The following CRPPA variants were observed in gnomAD, a reference collection of about 807,000 sequenced individuals.
CRPPA encodes the protein D-ribitol-5-phosphate cytidylyltransferase.
Under a neutral mutation model 52.0 loss-of-function variants are expected in CRPPA, and 43 were observed. The ratio of observed to expected loss-of-function variants is 0.83; its 90% confidence interval spans 0.65 to 1.07. The LOEUF (loss-of-function observed/expected upper bound fraction) is 1.07. CRPPA is among the 50% of genes least tolerant of loss of function. CRPPA has a pLI of 0.00. For missense variants in CRPPA, 629 were observed against 551.7 expected (o/e 1.14, Z -1.40); for synonymous variants, 250 against 203.5 (o/e 1.23, Z -1.94).
intron 5 of CRPPA, among the ~76,000 whole-genome samples, chr7:16,300,189 C>G (rs879657217): frequency 6.6e-6 from 1 of 152,084 alleles, no homozygotes; most frequent in Non-Finnish European, 1.5e-5. Flanking sequence ...CCTTGAAGGA[C>G]AAAGAACTTG....
At position 16,091,353 on chromosome 7, in the gene CRPPA, G is replaced by A. The variant is rs1017166225; in HGVS notation, c.*342C>T. 3.7e-5 allele frequency: 7 copies of A among 190,690 alleles called. No individual in the cohort carries two copies. The highest frequency in any genetic ancestry group is 7.4e-5 in the Non-Finnish European group (7 of 94,362). 11.8% of individuals were successfully genotyped at this position (190,690 alleles called of 1,614,324 possible). On this transcript the variant is annotated 3_prime_UTR_variant, in exon 10 of 10. Transcript: ENST00000407010. ...ATTAACAGTTAGGATAATAACTGAAGTTTTCTAAATTCTCATTCCTTGAAA... is the reference window on the plus strand; with the variant it reads ...ATTAACAGTTAGGATAATAACTGAAATTTTCTAAATTCTCATTCCTTGAAA...
intron 3 of CRPPA, among the ~76,000 whole-genome samples, chr7:16,354,795 C>A (rs1448816273): frequency 1.3e-5 from 2 of 152,026 alleles, no homozygotes; most frequent in African/African-American, 4.8e-5. Context: ...ATGCAGCCAT[C>A]AGAAAATAAT....
chr7:16,245,749 AG>A (rs1299192554), intron 8 of CRPPA, among the ~76,000 whole-genome samples: 1 of 152,230 alleles, frequency 6.6e-6, no homozygotes, highest in African/African-American at 2.4e-5. Context: ...CAATGAAATG[AG>A]TCACAAGAAA....
At position 16,258,927 on chromosome 7, in the gene CRPPA, C is replaced by G. The variant is rs1163568050; in HGVS notation, c.1019G>C (p.Cys340Ser). Reference sequence around the variant, plus strand: ...TCATTTGAATTGACTTACATTCACACAAACAAAATTGTAGCATTGATCTAA... The same window carrying G: ...TCATTTGAATTGACTTACATTCACAGAAACAAAATTGTAGCATTGATCTAA... The part of the protein sequence containing the change: ...IILDQCYNFV[C>S]VNVTTSDFQE... Residue 340 changes from cysteine to serine, a missense_variant, in exon 7 of 10, where the codon TGT becomes TCT. Transcript: ENST00000407010. The G allele has an allele frequency of 1.2e-6, 2 of 1,606,724 alleles. No individual in the cohort carries two copies.
intron 2 of CRPPA, among the ~76,000 whole-genome samples, chr7:16,399,382 G>T (rs538462904): frequency 2.0e-5 from 3 of 150,628 alleles, no homozygotes; most frequent in Non-Finnish European, 4.4e-5. Context: ...TTTGTGACAC[G>T]ATTGAAGTGA....
chr7:16,345,817 T>C (rs1380828929), intron 3 of CRPPA, among the ~76,000 whole-genome samples: 1 of 152,164 alleles, frequency 6.6e-6, no homozygotes. Flanking sequence ...TCTATAAAAG[T>C]ATAGAAATCT....
At chr7:16,177,227 C>T (rs1781321016) in intron 9 of CRPPA, among the ~76,000 whole-genome samples, 1 of 151,906 alleles carries the variant, frequency 6.6e-6, no homozygotes. Context: ...CCTAGTTGTG[C>T]TGGTGGTTGC....
At chr7:16,342,758 C>A (rs1785884522) in intron 3 of CRPPA, among the ~76,000 whole-genome samples, 1 of 15,420 alleles carries the variant, frequency 6.5e-5, no homozygotes, top group African/African-American at 3.0e-4. Context: ...TGAACCCTGT[C>A]TCCACAAAAA....
intron 3 of CRPPA, among the ~76,000 whole-genome samples, chr7:16,374,430 A>G (rs757293648): frequency 1.4e-4 from 21 of 152,078 alleles, no homozygotes; most frequent in Non-Finnish European, 2.2e-4. Context: ...CAGACGGCCT[A>G]TTGTGGGACT....
At chr7:16,202,274 CAT>C (rs1781877762) in intron 9 of CRPPA, among the ~76,000 whole-genome samples, 1 of 152,150 alleles carries the variant, frequency 6.6e-6, no homozygotes, top group Admixed American at 6.6e-5. Context: ...CCTATAAAAA[CAT>C]AAATAATTTA....
At chr7:16,387,066 T>TATATATATATATATATATATACACAC (rs1234737407) in intron 2 of CRPPA, among the ~76,000 whole-genome samples, 1 of 109,070 alleles carries the variant, frequency 9.2e-6, no homozygotes. Flanking sequence ...TATATATATA[T>TATATATATATATATATATATACACAC]ATATATATAT....
At chr7:16,119,500 T>C (rs957640556) in intron 9 of CRPPA, among the ~76,000 whole-genome samples, 11 of 152,218 alleles carry the variant, frequency 7.2e-5, no homozygotes, top group Non-Finnish European at 7.4e-5. Context: ...TTTTCCAATT[T>C]CAATAAATGT....
intron 8 of CRPPA, among the ~76,000 whole-genome samples, chr7:16,218,370 G>T (rs992485823): frequency 1.6e-5 from 2 of 126,946 alleles, no homozygotes; most frequent in Non-Finnish European, 3.3e-5. Context: ...AGACTAGGAA[G>T]AAACTGCATC....
At chr7:16,400,869 G>T (rs577020422) in intron 2 of CRPPA, among the ~76,000 whole-genome samples, 2 of 152,198 alleles carry the variant, frequency 1.3e-5, no homozygotes, top group African/African-American at 4.8e-5. Context: ...AATTACAAAG[G>T]ATACAACTGC....
intron 8 of CRPPA, among the ~76,000 whole-genome samples, chr7:16,254,363 A>T (rs374285967): frequency 1.3e-5 from 2 of 152,190 alleles, no homozygotes; most frequent in South Asian, 4.1e-4. Context: ...GATAGACTGG[A>T]TTAAGAAAAT....
At chr7:16,416,975 C>T (rs1323113534) in intron 1 of CRPPA, among the ~76,000 whole-genome samples, 5 of 152,104 alleles carry the variant, frequency 3.3e-5, no homozygotes, top group Non-Finnish European at 5.9e-5. Flanking sequence ...AACAAATACC[C>T]ACATTAAAAA....
intron 8 of CRPPA, among the ~76,000 whole-genome samples, chr7:16,226,198 A>G (rs1782647277): frequency 6.6e-6 from 1 of 152,058 alleles, no homozygotes; most frequent in African/African-American, 2.4e-5. Flanking sequence ...ATCAAAATCA[A>G]TGTAGATATA....
chr7:16,126,754 A>G (rs1209694338), intron 9 of CRPPA, among the ~76,000 whole-genome samples: 1 of 152,166 alleles, frequency 6.6e-6, no homozygotes, highest in Admixed American at 6.5e-5. Flanking sequence ...CAGAATACAG[A>G]CAAAAAGGAA....
rs116948814 is a variant in CRPPA, at chr7:16,403,130, A to T, written c.534+2931T>A. ...CAGTGACATAACCTAATTTCAAAAT[A>T]GTGAGGGGGGGAAAAAAACAGTTGT... On this transcript the variant is annotated intron_variant, in intron 2 of 9. Coordinates refer to ENST00000407010, the MANE Select transcript of CRPPA (RefSeq NM_001101426.4). Among the ~76,000 whole-genome samples the T allele has an allele frequency of 6.8e-4, 104 of 152,030 alleles. 2 individuals carry two copies. The East Asian group carries it at 0.017, about 25-fold the overall frequency.
Sources: allele counts gnomAD v4.1 joint callset (sites outside exome capture counted in the v4.1 genomes callset), GRCh38; gene constraint gnomAD v4.1.1; transcripts MANE v1.5; gene names NCBI Gene and HGNC (gene_info 2026-07-23, HGNC 2026-07-21).